Variants in SIN3B observed in about 807,000 individuals in gnomAD.
SIN3B encodes the protein paired amphipathic helix protein Sin3b.
A neutral mutation model predicts 120.2 loss-of-function variants in SIN3B; 19 were observed. The observed-to-expected ratio is 0.16, with a 90% CI of 0.11 to 0.23. The LOEUF is 0.23. SIN3B is among the 10% of genes least tolerant of loss of function. The probability of loss-of-function intolerance (pLI) is 1.00; values close to 1 mark genes in which losing one functional copy is unlikely to be tolerated. For missense variants in SIN3B, 1,073 were observed against 1,573.0 expected (o/e 0.68, Z 5.38); for synonymous variants, 654 against 653.2 (o/e 1.00, Z -0.02).
In SIN3B at chr19:16,877,608, G is replaced by A. The variant is rs756111329; in HGVS notation, c.2923G>A (p.Gly975Ser). The A allele has an allele frequency of 6.2e-6, 10 of 1,612,070 alleles. No individual in the cohort carries two copies. In the African/African-American group the frequency reaches 1.1e-4, roughly 17 times the overall value. ...GGGCGCGTCCAGCTCGCCCACTGAG[G>A]GCTTCCTCCTGAAACCTGTGTTCCT... ...TEGASSSPTE[G>S]FLLKPVFLQR... Residue 975 changes from glycine to serine, a missense_variant, in exon 17 of 19, where the codon GGC (glycine) becomes AGC (serine). Physicochemically the swap from Gly to Ser is moderately conservative, Grantham distance 56 (BLOSUM62 0). This residue lies in a region of SIN3B where 311 missense variants were observed against 400.3 expected (regional missense o/e 0.78). Transcript: ENST00000248054.
Position 16,838,970 on chromosome 19 carries a change from C to CTTT in SIN3B, c.382-2780_382-2778dup, listed in dbSNP as rs34648986. Among the ~76,000 whole-genome samples, 57 of 86,572 alleles carry CTTT rather than the reference C, an allele frequency of 6.6e-4. 2 individuals carry two copies. Among genetic ancestry groups the CTTT allele is most frequent in the African/African-American group, 2.0e-3 (41 of 20,392 alleles). The allele number at this position is 86,572 out of a possible 152,430, so 56.8% of individuals were successfully genotyped here. ...TACAGGTTCCAGCCACCGCGCCTGG[C>CTTT]TTTTTTTTTTTTTTTTTTTTGAGAT... On this transcript the variant is annotated intron_variant, in intron 3 of 18. Transcript: ENST00000248054.
chr19:16,831,749 C>G, intron 3 of SIN3B, 102 bp downstream of exon 3: 1 of 1,000,730 alleles, frequency 1.0e-6, no homozygotes, highest in South Asian at 1.5e-5. Flanking sequence ...TAGAAAGCCA[C>G]TTAAGATCTG....
chr19:16,865,430 G>C lies in SIN3B; in HGVS notation c.1404G>C (p.Thr468=). Residue 468 remains threonine, a synonymous_variant, in exon 11 of 19, where the codon ACG becomes ACC. Coordinates refer to ENST00000248054, the MANE Select transcript of SIN3B (RefSeq NM_001297595.2). ...CATAGTTAGACGTTGTCCTGGAGAC[G>C]AACCTGGCCACAATCCGTGTGTTGG... is the stretch of plus-strand genomic sequence containing the variant. The part of the protein sequence containing the change: ...ERFELDVVLE[T]NLATIRVLES... 6.2e-7 allele frequency: 1 copy of C among 1,603,122 alleles called. No homozygotes were observed. The highest frequency in any genetic ancestry group is 1.3e-5 in the African/African-American group (1 of 74,502).
In SIN3B at chr19:16,869,999, G is replaced by A. The variant is rs1252772323; in HGVS notation, c.2346G>A (p.Glu782=). The change falls in exon 13 of 19, where the codon GAG becomes GAA. Residue 782 remains glutamate (E), a synonymous_variant. Transcript: ENST00000248054. ...TTCTGGAGTATCGGACCGAGAAGGA[G>A]CGGGAGAAGCTGCTGTGTGAGGGCC... ...KQLLEYRTEK[E]REKLLCEGRR... 1.2e-6 allele frequency: 2 copies of A among 1,613,878 alleles called. No homozygotes were observed. Among genetic ancestry groups the A allele is most frequent in the Non-Finnish European group, 1.7e-6 (2 of 1,180,004 alleles).
At chr19:16,863,334 T>TACCACCGA in intron 9 of SIN3B, 1 of 254,238 alleles carries the variant, frequency 3.9e-6, no homozygotes, top group Non-Finnish European at 7.0e-6. Flanking sequence ...AGTGTAACAA[T>TACCACCGA]GATCTACACA....
At chr19:16,835,993 T>TC (rs1025930317) in intron 3 of SIN3B, among the ~76,000 whole-genome samples, 77 of 151,560 alleles carry the variant, frequency 5.1e-4, no homozygotes, top group East Asian at 1.2e-3. Context: ...AGTATCTTTT[T>TC]CCCCCCCCAA....
chr19:16,840,543 C>T (rs1487208432), intron 3 of SIN3B, among the ~76,000 whole-genome samples: 2 of 152,212 alleles, frequency 1.3e-5, no homozygotes, highest in African/African-American at 4.8e-5. Context: ...ACTCACCCCA[C>T]TGACGGTGCC....
chr19:16,867,656 C>T (rs1971795563), intron 12 of SIN3B, among the ~76,000 whole-genome samples: 1 of 152,218 alleles, frequency 6.6e-6, no homozygotes, highest in African/African-American at 2.4e-5. Flanking sequence ...GATTTGGTTT[C>T]TTGCTCCTGT....
chr19:16,865,285 C>T lies in SIN3B; in HGVS notation c.1384-125C>T, dbSNP rs1270343900. On this transcript the variant is annotated intron_variant, in intron 10 of 18. Transcript: ENST00000248054. Reference sequence around the variant, plus strand: ...CTCAAGTCTGGGTGACAGAGCAAGACCCTATCTCTTAAATACACACACCCC... The same window carrying T: ...CTCAAGTCTGGGTGACAGAGCAAGATCCTATCTCTTAAATACACACACCCC... The T allele has an allele frequency of 9.2e-6, 6 of 654,852 alleles. No homozygotes were observed. The African/African-American group carries it at 1.1e-4, about 12-fold the overall frequency. The allele number at this position is 654,852 out of a possible 1,614,324, so 40.6% of individuals were successfully genotyped here.
chr19:16,878,452 G>A, intron 18 of SIN3B, 45 bp from the exon 19 acceptor site: 1 of 1,574,184 alleles, frequency 6.4e-7, no homozygotes, highest in East Asian at 2.3e-5. Context: ...CTGGGGCCCT[G>A]GGGGTCCAGC....
chr19:16,868,843 G>A (rs1030679440), intron 12 of SIN3B, among the ~76,000 whole-genome samples: 6 of 152,170 alleles, frequency 3.9e-5, no homozygotes, highest in African/African-American at 7.2e-5. Flanking sequence ...TAGCAAGCAC[G>A]TGCAGGGGCT....
intron 11 of SIN3B, among the ~76,000 whole-genome samples, chr19:16,865,967 C>T (rs149845680): frequency 5.3e-5 from 8 of 152,306 alleles, no homozygotes; most frequent in South Asian, 2.1e-4. Flanking sequence ...TGCTGCATTT[C>T]GGATGCCGTC....
chr19:16,829,707 C>A, intron 1 of SIN3B, 84 bp from the exon 2 acceptor site: 1 of 1,393,724 alleles, frequency 7.2e-7, no homozygotes, highest in Non-Finnish European at 1.0e-6. Flanking sequence ...AAAGCCCAGC[C>A]CATCCCCTTC....
intron 3 of SIN3B, among the ~76,000 whole-genome samples, chr19:16,837,808 C>T (rs746885070): frequency 1.3e-5 from 2 of 152,060 alleles, no homozygotes; most frequent in Admixed American, 1.3e-4. Flanking sequence ...CTGGGCTGAT[C>T]TCAGGATGCC....
chr19:16,875,979 T>A, intron 14 of SIN3B, 76 bp from the exon 15 acceptor site: 1 of 1,474,804 alleles, frequency 6.8e-7, no homozygotes, highest in Non-Finnish European at 9.0e-7. Context: ...CTGGCCTTTG[T>A]CGACTTCCTC....
intron 3 of SIN3B, among the ~76,000 whole-genome samples, chr19:16,840,977 A>G (rs568033243): frequency 6.6e-6 from 1 of 152,290 alleles, no homozygotes; most frequent in East Asian, 1.9e-4. Flanking sequence ...TTATCCAAGC[A>G]AAAACCTCAG....
chr19:16,871,101 C>A, intron 13 of SIN3B, 128 bp from the exon 14 acceptor site: 2 of 1,152,978 alleles, frequency 1.7e-6, no homozygotes, highest in African/African-American at 1.5e-5. Flanking sequence ...ACATTTGCCC[C>A]AGGGGTGGCA....
At chr19:16,843,116 G>C (rs1397082919) in intron 4 of SIN3B, among the ~76,000 whole-genome samples, 2 of 151,018 alleles carry the variant, frequency 1.3e-5, no homozygotes, top group Non-Finnish European at 3.0e-5. Context: ...TCTTTTTTTT[G>C]AAACAGAATC....
At chr19:16,867,889 G>C (rs1289026032) in intron 12 of SIN3B, among the ~76,000 whole-genome samples, 1 of 152,182 alleles carries the variant, frequency 6.6e-6, no homozygotes, top group Non-Finnish European at 1.5e-5. Context: ...ACCCCGTATA[G>C]GTTCTGTGGG....
Sources: allele counts gnomAD v4.1 joint callset (sites outside exome capture counted in the v4.1 genomes callset), GRCh38; gene constraint gnomAD v4.1.1; regional missense constraint gnomAD v4.1.1; transcripts MANE v1.5; gene names NCBI Gene and HGNC (gene_info 2026-07-23, HGNC 2026-07-21).